The following PTPRT variants were observed in gnomAD, a reference collection of about 807,000 sequenced individuals.
The protein encoded by PTPRT is protein tyrosine phosphatase receptor type T, also known as receptor-type tyrosine-protein phosphatase T.
A neutral mutation model predicts 176.8 loss-of-function variants in PTPRT; 56 were observed. The observed-to-expected ratio is 0.32, with a 90% CI of 0.26 to 0.40. The LOEUF (loss-of-function observed/expected upper bound fraction) is 0.40. PTPRT is among the 10% of genes least tolerant of loss of function. The pLI is 1.00. For missense variants in PTPRT, 1,540 were observed against 1,908.2 expected (o/e 0.81, Z 3.60); for synonymous variants, 783 against 739.0 (o/e 1.06, Z -0.96).
intron 15 of PTPRT, among the ~76,000 whole-genome samples, chr20:42,213,157 C>A (rs1200800137): frequency 2.1e-5 from 3 of 143,752 alleles, no homozygotes; most frequent in African/African-American, 7.5e-5. Flanking sequence ...CCGGCCCTGC[C>A]CTGACCTACT....
chr20:42,978,652 C>A (rs1424193481), intron 1 of PTPRT, among the ~76,000 whole-genome samples: 5 of 152,140 alleles, frequency 3.3e-5, no homozygotes, highest in African/African-American at 1.2e-4. Flanking sequence ...GCACAAGATA[C>A]AGGTCATAAA....
At chr20:42,448,409 A>C (rs1161719764) in intron 8 of PTPRT, 80 bp from the exon 9 acceptor site, 2 of 1,087,952 alleles carry the variant, frequency 1.8e-6, no homozygotes, top group Non-Finnish European at 2.8e-6. Context: ...ACAGGGGTTG[A>C]CAAAGTTGCT....
intron 15 of PTPRT, among the ~76,000 whole-genome samples, chr20:42,212,378 G>A (rs1237794266): frequency 1.4e-5 from 2 of 141,478 alleles, no homozygotes; most frequent in African/African-American, 5.2e-5. Flanking sequence ...CCATGCTAGT[G>A]CTAGGAAAAT....
chr20:42,717,141 C>T (rs1237641388), intron 6 of PTPRT, among the ~76,000 whole-genome samples: 3 of 151,286 alleles, frequency 2.0e-5, no homozygotes, highest in African/African-American at 7.3e-5. Context: ...ACATATGTAA[C>T]TAACCTGCAC....
intron 15 of PTPRT, among the ~76,000 whole-genome samples, chr20:42,211,169 G>A (rs1342303174): frequency 2.0e-5 from 3 of 152,106 alleles, no homozygotes; most frequent in Middle Eastern, 3.2e-3. Context: ...AGACTTAAAC[G>A]TTAGACCTAA....
intron 1 of PTPRT, among the ~76,000 whole-genome samples, chr20:43,080,427 G>A (rs1034253490): frequency 3.9e-5 from 6 of 152,198 alleles, no homozygotes; most frequent in Non-Finnish European, 7.3e-5. Context: ...TGTAGCAAAA[G>A]CTGACTGATA....
chr20:42,142,098 G>A (rs1442227851), intron 17 of PTPRT, 96 bp from the exon 18 acceptor site: 22 of 979,644 alleles, frequency 2.2e-5, no homozygotes, highest in Non-Finnish European at 3.3e-6. Flanking sequence ...CCACTGCGAT[G>A]GGACTCCTAG....
intron 16 of PTPRT, among the ~76,000 whole-genome samples, chr20:42,169,401 T>G (rs868176872): frequency 2.8e-4 from 42 of 152,072 alleles, no homozygotes; most frequent in African/African-American, 9.7e-4. Context: ...GATGGAAGGA[T>G]GGTGTTAGAC....
chr20:42,357,676 A>C (rs1600885442), intron 9 of PTPRT, among the ~76,000 whole-genome samples: 1 of 152,256 alleles, frequency 6.6e-6, no homozygotes, highest in Admixed American at 6.5e-5. Context: ...TGGGAGGCTA[A>C]GGCAGGAGGA....
At chr20:42,805,464 A>C (rs1188229978) in intron 2 of PTPRT, among the ~76,000 whole-genome samples, 1 of 152,210 alleles carries the variant, frequency 6.6e-6, no homozygotes, top group African/African-American at 2.4e-5. Context: ...TAGTTTCACA[A>C]CAAATGTATA....
chr20:42,295,451 A>G (rs193228267), intron 12 of PTPRT, among the ~76,000 whole-genome samples: 186 of 152,320 alleles, frequency 1.2e-3, no homozygotes, highest in African/African-American at 4.1e-3. Flanking sequence ...TTCTTGAAGG[A>G]TCTACAGAAG....
intron 7 of PTPRT, among the ~76,000 whole-genome samples, chr20:42,622,247 T>G (rs1243027737): frequency 1.0e-5 from 1 of 96,566 alleles, no homozygotes; most frequent in South Asian, 2.9e-4. Context: ...GGACTTAAAT[T>G]TTTTTTTTTT....
chr20:42,092,939 A>G (rs1199373467), intron 27 of PTPRT, among the ~76,000 whole-genome samples: 2 of 152,188 alleles, frequency 1.3e-5, no homozygotes, highest in Non-Finnish European at 2.9e-5. Context: ...GGAGCCCCAG[A>G]ACAGAGCAAC....
At chr20:42,695,117 T>C (rs2075854352) in intron 6 of PTPRT, among the ~76,000 whole-genome samples, 1 of 152,244 alleles carries the variant, frequency 6.6e-6, no homozygotes. Context: ...TGATATATTC[T>C]AGACATTAGT....
At chr20:42,700,708 G>C (rs1235417706) in intron 6 of PTPRT, among the ~76,000 whole-genome samples, 1 of 152,194 alleles carries the variant, frequency 6.6e-6, no homozygotes, top group Non-Finnish European at 1.5e-5. Context: ...GCTTTTTGAT[G>C]ACTTTCTGTG....
chr20:42,537,621 T>A (rs971870018), intron 7 of PTPRT, among the ~76,000 whole-genome samples: 1 of 152,202 alleles, frequency 6.6e-6, no homozygotes, highest in Non-Finnish European at 1.5e-5. Context: ...TGCCTCCAAG[T>A]TCAGTTCTCT....
chr20:42,733,208 G>A (rs565438236), intron 6 of PTPRT, among the ~76,000 whole-genome samples: 1 of 152,270 alleles, frequency 6.6e-6, no homozygotes, highest in East Asian at 1.9e-4. Context: ...TGGAAACAAG[G>A]TAACTCAGTC....
intron 1 of PTPRT, among the ~76,000 whole-genome samples, chr20:43,019,547 AG>A (rs1985549573): frequency 6.8e-6 from 1 of 147,776 alleles, no homozygotes; most frequent in Non-Finnish European, 1.5e-5. Flanking sequence ...TGAACCTGGG[AG>A]GCGGAGATTG....
chr20:42,780,338 GT>G, intron 3 of PTPRT, 39 bp from the exon 4 acceptor site: 3 of 1,522,284 alleles, frequency 2.0e-6, no homozygotes, highest in Non-Finnish European at 2.7e-6. Context: ...CACAGAAACA[GT>G]TGCAGGCATT....
Sources: gnomAD v4.1 joint callset for allele counts (sites outside exome capture counted in the v4.1 genomes callset) on GRCh38, gnomAD v4.1.1 for gene constraint, MANE v1.5 for transcripts, NCBI Gene and HGNC (gene_info 2026-07-23, HGNC 2026-07-21) for gene names.